The following PTPRD variants were observed in gnomAD, a reference collection of about 807,000 sequenced individuals.
PTPRD encodes protein tyrosine phosphatase receptor type D.
In PTPRD, 34 loss-of-function variants were observed where a neutral mutation model predicts 214.5. The observed-to-expected ratio is 0.16, with a 90% CI of 0.12 to 0.21. PTPRD has a LOEUF of 0.21. Among genes scored for constraint, PTPRD ranks in the 10% least tolerant of loss-of-function variants. PTPRD has a pLI of 1.00. For synonymous variants in PTPRD, 1,128 were observed against 845.7 expected (o/e 1.33, Z -5.79); for missense variants, 2,545 against 2,398.7 (o/e 1.06, Z -1.27).
At chr9:10,565,658 C>A (rs7465708) in intron 2 of PTPRD, among the ~76,000 whole-genome samples, 9,086 of 152,094 alleles carry the variant, frequency 0.06, 277 homozygotes, top group South Asian at 0.12. Context: ...GGCTTCCTTT[C>A]TTACCAATCC....
intron 2 of PTPRD, among the ~76,000 whole-genome samples, chr9:10,370,554 A>G (rs933841749): frequency 6.6e-6 from 1 of 152,088 alleles, no homozygotes; most frequent in African/African-American, 2.4e-5. Flanking sequence ...ATACATTGAA[A>G]TTGAATTAAT....
intron 11 of PTPRD, among the ~76,000 whole-genome samples, chr9:8,757,479 A>C (rs1425969419): frequency 6.6e-6 from 1 of 152,048 alleles, no homozygotes. Context: ...GGGTGTAAGA[A>C]GGAATTAAGA....
intron 9 of PTPRD, among the ~76,000 whole-genome samples, chr9:9,395,192 A>C (rs111277778): frequency 5.3e-5 from 8 of 151,710 alleles, no homozygotes; most frequent in African/African-American, 1.9e-4. Flanking sequence ...TGAAACAAAA[A>C]AAAAAAAAAG....
chr9:8,907,991 A>G (rs2098720549), intron 11 of PTPRD, among the ~76,000 whole-genome samples: 1 of 152,208 alleles, frequency 6.6e-6, no homozygotes, highest in South Asian at 2.1e-4. Flanking sequence ...AGTCTCATCT[A>G]GAAACAGTAT....
At chr9:9,252,771 TG>T (rs1269143404) in intron 9 of PTPRD, among the ~76,000 whole-genome samples, 1 of 152,132 alleles carries the variant, frequency 6.6e-6, no homozygotes, top group African/African-American at 2.4e-5. Context: ...ACACCTCTTC[TG>T]GGTTATTCAT....
intron 31 of PTPRD, among the ~76,000 whole-genome samples, chr9:8,466,047 A>G (rs1347303549): frequency 6.6e-6 from 1 of 151,898 alleles, no homozygotes; most frequent in East Asian, 1.9e-4. Context: ...AGATTTATTA[A>G]ATAAGTATTA....
intron 11 of PTPRD, among the ~76,000 whole-genome samples, chr9:8,891,137 A>ATTTTTTTTTTTTTTTTTTTTTTTTT (rs761564011): frequency 8.1e-6 from 1 of 123,626 alleles, no homozygotes; most frequent in African/African-American, 3.2e-5. Context: ...AATTAATCTA[A>ATTTTTTTTTTTTTTTTTTTTTTTTT]TTTTTTTTTT....
chr9:8,607,922 G>T (rs140107450), intron 14 of PTPRD, among the ~76,000 whole-genome samples: 156 of 152,230 alleles, frequency 1.0e-3, no homozygotes, highest in African/African-American at 3.5e-3. Context: ...TATTATTCTT[G>T]TGTCACATGT....
Position 8,375,887 on chromosome 9 carries a change from T to A in PTPRD, c.4661+49A>T, listed in dbSNP as rs1485088516. 6 of 1,575,956 alleles carry A rather than the reference T, an allele frequency of 3.8e-6. No individual in the cohort carries two copies. The African/African-American group carries it at 8.2e-5, about 22-fold the overall frequency. The stretch of plus-strand genomic sequence containing the variant: ...AAGTTGCAGAAACATCCAATGAGAG[T>A]CAATTTAGCTTTCTGTTTCCTGACT... On this transcript the variant is annotated intron_variant, in intron 39 of 45. Coordinates refer to ENST00000381196, the MANE Select transcript of PTPRD (RefSeq NM_002839.4).
intron 30 of PTPRD, among the ~76,000 whole-genome samples, chr9:8,472,517 C>G (rs2096673586): frequency 6.6e-6 from 1 of 152,178 alleles, no homozygotes; most frequent in South Asian, 2.1e-4. Flanking sequence ...CAGAGCTGTT[C>G]AGCATGGTAT....
chr9:10,153,111 G>C (rs922764234), intron 3 of PTPRD, among the ~76,000 whole-genome samples: 2 of 152,080 alleles, frequency 1.3e-5, no homozygotes, highest in African/African-American at 4.8e-5. Context: ...GGAAACTATA[G>C]TTAATAATAA....
chr9:8,566,296 T>C (rs1213487281), intron 14 of PTPRD, among the ~76,000 whole-genome samples: 1 of 152,086 alleles, frequency 6.6e-6, no homozygotes, highest in Non-Finnish European at 1.5e-5. Context: ...ACCCAAAGAA[T>C]TGCTGTTTCG....
chr9:9,180,432 C>CA (rs2099927538), intron 10 of PTPRD, among the ~76,000 whole-genome samples: 1 of 119,744 alleles, frequency 8.4e-6, no homozygotes, highest in East Asian at 2.5e-4. Flanking sequence ...GAACATCACA[C>CA]AGTGGGGCCT....
chr9:9,351,277 G>A (rs558481257), intron 9 of PTPRD, among the ~76,000 whole-genome samples: 1 of 151,960 alleles, frequency 6.6e-6, no homozygotes, highest in Non-Finnish European at 1.5e-5. Context: ...ATAAAAAGAG[G>A]AAACAAAGGT....
intron 3 of PTPRD, among the ~76,000 whole-genome samples, chr9:10,246,193 A>C (rs2092060850): frequency 6.6e-6 from 1 of 152,072 alleles, no homozygotes; most frequent in Admixed American, 6.6e-5. Context: ...TTAAAGTATG[A>C]GTCTCTGTAT....
intron 2 of PTPRD, among the ~76,000 whole-genome samples, chr9:10,428,949 A>C (rs1448104388): frequency 1.3e-5 from 2 of 152,016 alleles, no homozygotes; most frequent in African/African-American, 4.8e-5. Flanking sequence ...TGTAGTTATA[A>C]AATAAAGATA....
At chr9:8,749,314 A>G (rs1442243924) in intron 11 of PTPRD, among the ~76,000 whole-genome samples, 1 of 152,098 alleles carries the variant, frequency 6.6e-6, no homozygotes, top group South Asian at 2.1e-4. Context: ...CATCTCCCTG[A>G]GCAGCTGGGA....
chr9:10,460,524 T>C (rs1295827123), intron 2 of PTPRD, among the ~76,000 whole-genome samples: 1 of 151,670 alleles, frequency 6.6e-6, no homozygotes. Context: ...TGCATACAGA[T>C]ACACAGACCA....
chr9:10,094,971 A>G (rs2098468566), intron 3 of PTPRD, among the ~76,000 whole-genome samples: 1 of 151,448 alleles, frequency 6.6e-6, no homozygotes, highest in African/African-American at 2.4e-5. Context: ...AATGTCCTAT[A>G]TGCTGTTTTA....
Sources: allele counts gnomAD v4.1 joint callset (sites outside exome capture counted in the v4.1 genomes callset), GRCh38; gene constraint gnomAD v4.1.1; transcripts MANE v1.5; gene names NCBI Gene and HGNC (gene_info 2026-07-23, HGNC 2026-07-21).